JAG2: variants seen among roughly 807,000 people sequenced by gnomAD.
JAG2 encodes jagged canonical Notch ligand 2.
A neutral mutation model predicts 141.7 loss-of-function variants in JAG2; 46 were observed. The observed-to-expected ratio is 0.32, with a 90% confidence interval of 0.26 to 0.42. JAG2 has a LOEUF of 0.42. JAG2 is among the 10% of genes least tolerant of loss of function. The pLI is 1.00. For synonymous variants in JAG2, 862 were observed against 763.5 expected, an observed-to-expected ratio of 1.13 and a Z score of -2.13; for missense variants, 1,500 against 1,817.5, an observed-to-expected ratio of 0.83 and a Z score of 3.18.
rs1888335638 is a variant in JAG2 at position 105,149,266 on chromosome 14, T to C, written c.1657A>G (p.Asn553Asp). ...SPCRNGARCY[N>D]LEGDYYCACP... ...GCGCAGTAATAGTCACCCTCCAGGT[T>C]ATAGCAGCGAGCGCCGTTCCGGCAG... The change falls in exon 13 of 26, where the codon AAC becomes GAC. Residue 553 changes from asparagine (N) to aspartate (D), a missense_variant. By Grantham distance (23) the Asn-to-Asp change is conservative (BLOSUM62 1). Transcript: ENST00000331782. 2 of 1,612,546 alleles carry C rather than the reference T, an allele frequency of 1.2e-6. No homozygotes were observed. Among genetic ancestry groups the C allele is most frequent in the Non-Finnish European group, 8.5e-7 (1 of 1,179,972 alleles).
intron 22 of JAG2, among the ~76,000 whole-genome samples, 200 bp from the exon 23 acceptor site, chr14:105,146,173 C>T (rs745756731): frequency 3.3e-5 from 5 of 152,260 alleles, no homozygotes; most frequent in African/African-American, 4.8e-5. Flanking sequence ...AAAGGGCAGG[C>T]GGAGCAAGGC....
rs1276646595 is a variant in JAG2 at position 105,167,374 on chromosome 14, C to T, written c.417+383G>A. The stretch of plus-strand genomic sequence containing the variant: ...CGGGCCCGGGGCGGCTCAGTCAGGG[C>T]CTGCCCTAGACCAGCCCCAGCACGC... On this transcript the variant is annotated intron_variant, in intron 2 of 25. Transcript: ENST00000331782. This position sits in a 1 kb window ranked among gnomAD's most constrained non-coding sequence, Gnocchi z 4.8. 1.3e-5 allele frequency among the ~76,000 whole-genome samples: 2 copies of T among 152,048 alleles called. No homozygotes were observed. The highest frequency in any genetic ancestry group is 2.9e-5 in the Non-Finnish European group (2 of 67,968).
At chr14:105,165,677 CAG>C (rs1197962749) in intron 2 of JAG2, among the ~76,000 whole-genome samples, 2 of 152,170 alleles carry the variant, frequency 1.3e-5, no homozygotes, top group African/African-American at 4.8e-5. Context: ...GAGAGTCACT[CAG>C]GGGGCAGGGG....
intron 15 of JAG2, 62 bp downstream of exon 15, chr14:105,148,683 G>A (rs1888308987): frequency 7.2e-7 from 1 of 1,388,312 alleles, no homozygotes; most frequent in Non-Finnish European, 9.9e-7. Flanking sequence ...TCCATCTCAG[G>A]GTGATAAGGG....
At chr14:105,161,498 C>T (rs1047242990) in intron 2 of JAG2, among the ~76,000 whole-genome samples, 18 of 152,212 alleles carry the variant, frequency 1.2e-4, no homozygotes, top group Non-Finnish European at 2.1e-4. Context: ...CTGCCACCTT[C>T]GCCTGAGCCC....
chr14:105,143,783 C>T, intron 24 of JAG2, 145 bp from the exon 25 acceptor site: 1 of 863,944 alleles, frequency 1.2e-6, no homozygotes, highest in Non-Finnish European at 1.8e-6. Context: ...GCGACTTCAC[C>T]ACCAGGCAGT....
intron 2 of JAG2, among the ~76,000 whole-genome samples, chr14:105,158,323 A>G (rs1269681087): frequency 6.6e-6 from 1 of 152,174 alleles, no homozygotes; most frequent in East Asian, 1.9e-4. Flanking sequence ...GCAGGCATAC[A>G]GCACACAGGC....
At chr14:105,162,784 G>A (rs1388645891) in intron 2 of JAG2, among the ~76,000 whole-genome samples, 1,035 of 88,218 alleles carry the variant, frequency 0.012, 2 homozygotes, top group African/African-American at 0.028. Context: ...CCACAGTCCA[G>A]GGCACCCCAA....
intron 6 of JAG2, 41 bp downstream of exon 6, chr14:105,152,120 T>G (rs1379331716): frequency 1.2e-6 from 2 of 1,613,404 alleles, no homozygotes; most frequent in Non-Finnish European, 1.7e-6. Flanking sequence ...CAACCCACAC[T>G]TCGATGGCAG....
rs587597053 is a variant in JAG2 at position 105,143,468 on chromosome 14, C to T, written c.3241+14G>A. Reference sequence around the variant, plus strand: ...TGCCTGGTGCCTTCCCAGGGGCCCACCTCCCGCGCTTACCTGTGGAAGAGC... The same window carrying T: ...TGCCTGGTGCCTTCCCAGGGGCCCATCTCCCGCGCTTACCTGTGGAAGAGC... On this transcript the variant is annotated intron_variant, in intron 25 of 25. Transcript: ENST00000331782. 6.5e-7 allele frequency: 1 copy of T among 1,544,766 alleles called. No homozygotes were observed. Among genetic ancestry groups the T allele is most frequent in the South Asian group, 1.2e-5 (1 of 84,120 alleles).
rs1303059425 is a variant in JAG2, at chr14:105,146,656, G to A, written c.2548C>T (p.Arg850Cys). ...ATCVDEINGY[R>C]CSCPPGRAGP... ...GCTCGGCCGGGTGGGCAGCTACAGC[G>A]ATACCCGTTGATCTCATCCACACAC... The change falls in exon 21 of 26, where the codon CGC (arginine) becomes TGC (cysteine). Residue 850 changes from arginine to cysteine, a missense_variant. Physicochemically the swap from Arg to Cys is radical, Grantham distance 180. Around this residue, in one of 3 missense-constraint regions of JAG2, gnomAD observed 875 missense variants for 1,202.2 expected, o/e 0.73. Coordinates refer to ENST00000331782, the MANE Select transcript of JAG2 (RefSeq NM_002226.5). 9.9e-6 allele frequency: 16 copies of A among 1,612,550 alleles called. No individual in the cohort carries two copies. Among genetic ancestry groups the A allele is most frequent in the East Asian group, 2.2e-5 (1 of 44,892 alleles).
chr14:105,146,938 T>A, intron 20 of JAG2: 1 of 651,220 alleles, frequency 1.5e-6, no homozygotes, highest in Non-Finnish European at 2.8e-6. Context: ...CGTCTGCTTC[T>A]GCAGTGGGCC....
At chr14:105,156,123 G>GC in intron 3 of JAG2, 134 bp from the exon 4 acceptor site, 5 of 1,187,014 alleles carry the variant, frequency 4.2e-6, no homozygotes, top group Non-Finnish European at 4.6e-6. Context: ...CACACGGAGG[G>GC]CAGGGCCCCC....
chr14:105,150,682 G>C lies in JAG2; in HGVS notation c.1524C>G (p.His508Gln), dbSNP rs587717161. ...CCAGGTCCTCGCAGAGGCCGCCGCT[G>C]TGGCAGGGGCTGCTGGCACACTCGT... Reference protein sequence around the residue: ...ERDECASSPCHSGGLCEDLAD... With the variant: ...ERDECASSPCQSGGLCEDLAD... The change falls in exon 12 of 26, where the codon CAC becomes CAG. Residue 508 changes from histidine to glutamine, a missense_variant. This residue lies in a region of JAG2 where 875 missense variants were observed against 1,202.2 expected (regional missense o/e 0.73). Coordinates refer to ENST00000331782, the MANE Select transcript of JAG2 (RefSeq NM_002226.5). 2 of 1,552,842 alleles carry C rather than the reference G, an allele frequency of 1.3e-6. No homozygotes were observed. The highest frequency in any genetic ancestry group is 1.9e-5 in the Admixed American group (1 of 51,296).
intron 9 of JAG2, 69 bp downstream of exon 9, chr14:105,151,214 G>A (rs1266665124): frequency 1.9e-5 from 25 of 1,349,504 alleles, no homozygotes; most frequent in African/African-American, 5.9e-5. Context: ...AGCAGCCCCC[G>A]CAGCCCCAGC....
chr14:105,166,890 C>G (rs923992263), intron 2 of JAG2, among the ~76,000 whole-genome samples: 1 of 152,172 alleles, frequency 6.6e-6, no homozygotes, highest in Non-Finnish European at 1.5e-5. Context: ...AATGACCAAG[C>G]AGGGAAGGAC....
At chr14:105,147,217 AGTT>A in intron 20 of JAG2, 106 bp downstream of exon 20, 1 of 810,222 alleles carries the variant, frequency 1.2e-6, no homozygotes, top group Admixed American at 2.0e-5. Flanking sequence ...GGCAGGAAGT[AGTT>A]GTGGCCACAC....
intron 5 of JAG2, 42 bp from the exon 6 acceptor site, chr14:105,152,333 T>C (rs2238287): frequency 0.67 from 1,066,637 of 1,599,318 alleles, 358,146 homozygotes; most frequent in African/African-American, 0.86. Flanking sequence ...TGAGCTGTGG[T>C]GCCTGAAAGG....
intron 2 of JAG2, among the ~76,000 whole-genome samples, chr14:105,165,362 G>A (rs1183394858): frequency 2.6e-5 from 4 of 152,232 alleles, no homozygotes; most frequent in African/African-American, 9.6e-5. Context: ...ACACGCAGCT[G>A]GGAGAATGTG....
Sources: gnomAD v4.1 joint callset for allele counts (sites outside exome capture counted in the v4.1 genomes callset) on GRCh38, gnomAD v4.1.1 for gene constraint, gnomAD v4.1.1 regional missense constraint, Gnocchi (gnomAD v3.1) non-coding constraint, MANE v1.5 for transcripts, NCBI Gene and HGNC (gene_info 2026-07-23, HGNC 2026-07-21) for gene names.